The following PPP2R2B variants were observed in gnomAD, a reference collection of about 807,000 sequenced individuals.
PPP2R2B encodes the protein serine/threonine-protein phosphatase 2A 55 kDa regulatory subunit B beta isoform.
In PPP2R2B, 5 loss-of-function variants were observed where a neutral mutation model predicts 46.0. That is an observed-to-expected ratio of 0.11 (90% CI 0.06 to 0.23). The LOEUF is 0.23. Ranked by LOEUF, PPP2R2B falls within the 10% of genes least tolerant of loss-of-function variation. The pLI is 1.00. For missense variants in PPP2R2B, 367 were observed against 575.0 expected, an observed-to-expected ratio of 0.64 and a Z score of 3.70; for synonymous variants, 215 against 206.7, an observed-to-expected ratio of 1.04 and a Z score of -0.34.
chr5:146,997,500 A>T (rs1339203991), intron 1 of PPP2R2B, among the ~76,000 whole-genome samples: 2 of 152,112 alleles, frequency 1.3e-5, no homozygotes, highest in African/African-American at 2.4e-5. Flanking sequence ...TGACAATTTC[A>T]AGTACCCAAC....
At chr5:147,054,166 G>T (rs1265210208) in intron 1 of PPP2R2B, among the ~76,000 whole-genome samples, 2 of 152,144 alleles carry the variant, frequency 1.3e-5, no homozygotes, top group African/African-American at 4.8e-5. Context: ...ATATGATATA[G>T]AATGTTTCGT....
In PPP2R2B at chr5:146,878,331, C is replaced by T; in HGVS notation, c.-124-136G>A. 1 of 1,437,016 alleles carries T rather than the reference C, an allele frequency of 7.0e-7. No homozygotes were observed. Among genetic ancestry groups the T allele is most frequent in the African/African-American group, 1.4e-5 (1 of 69,784 alleles). The allele number at this position is 1,437,016 out of a possible 1,614,324, so 89.0% of individuals were successfully genotyped here. ...CGCTCACTCCAGCTCCAGTTCCCAGCGAGGATGCTGCGCCTGCCTCCGCTG... is the reference window on the plus strand; with the variant it reads ...CGCTCACTCCAGCTCCAGTTCCCAGTGAGGATGCTGCGCCTGCCTCCGCTG... On this transcript the variant is annotated intron_variant, in intron 1 of 9. Coordinates refer to ENST00000394411, the MANE Select transcript of PPP2R2B (RefSeq NM_181675.4). This position sits in a 1 kb window ranked among gnomAD's most constrained non-coding sequence, Gnocchi z 4.5.
chr5:146,654,905 C>A (rs890348638), intron 5 of PPP2R2B, among the ~76,000 whole-genome samples: 5 of 152,166 alleles, frequency 3.3e-5, no homozygotes, highest in African/African-American at 9.7e-5. Flanking sequence ...CAGAGCCAGA[C>A]AAAATTCAGA....
chr5:146,936,010 T>C (rs1203406528), intron 1 of PPP2R2B, among the ~76,000 whole-genome samples: 2 of 152,184 alleles, frequency 1.3e-5, no homozygotes, highest in African/African-American at 4.8e-5. Context: ...TATTTGTACC[T>C]GGCAGATTGG....
chr5:146,726,617 T>G (rs1751884198), intron 2 of PPP2R2B, among the ~76,000 whole-genome samples: 1 of 152,200 alleles, frequency 6.6e-6, no homozygotes, highest in South Asian at 2.1e-4. Context: ...CTAGGTAACT[T>G]GCCTAACATC....
At chr5:146,653,846 G>T (rs1036463816) in intron 5 of PPP2R2B, among the ~76,000 whole-genome samples, 1 of 152,076 alleles carries the variant, frequency 6.6e-6, no homozygotes, top group South Asian at 2.1e-4. Context: ...AGATAAGACA[G>T]GGGGGATGGA....
At chr5:146,685,089 A>G (rs1429693259) in intron 5 of PPP2R2B, among the ~76,000 whole-genome samples, 1 of 152,220 alleles carries the variant, frequency 6.6e-6, no homozygotes, top group Non-Finnish European at 1.5e-5. Flanking sequence ...TACAGTGTGT[A>G]GCATAGTAGA....
chr5:146,779,879 A>G (rs1302670108), intron 2 of PPP2R2B, among the ~76,000 whole-genome samples: 1 of 152,146 alleles, frequency 6.6e-6, no homozygotes, highest in Non-Finnish European at 1.5e-5. Flanking sequence ...AATAATACAC[A>G]TATGATGAAG....
chr5:146,650,747 C>T (rs371617314), intron 5 of PPP2R2B, 23 bp from the exon 6 acceptor site: 2 of 1,600,420 alleles, frequency 1.2e-6, no homozygotes, highest in East Asian at 2.2e-5. Flanking sequence ...AGAAACAAAT[C>T]ACTTCAGAAC....
At chr5:146,811,302 G>A (rs1264272182) in intron 2 of PPP2R2B, among the ~76,000 whole-genome samples, 1 of 152,066 alleles carries the variant, frequency 6.6e-6, no homozygotes, top group African/African-American at 2.4e-5. Flanking sequence ...CCAGCCATAT[G>A]GCTCCTATCT....
At chr5:146,951,216 A>T (rs1764643117) in intron 1 of PPP2R2B, among the ~76,000 whole-genome samples, 1 of 152,078 alleles carries the variant, frequency 6.6e-6, no homozygotes, top group East Asian at 1.9e-4. Context: ...GAGGTATAAT[A>T]TACAATAGAA....
intron 9 of PPP2R2B, among the ~76,000 whole-genome samples, 178 bp from the exon 10 acceptor site, chr5:146,590,404 T>G (rs1384201455): frequency 6.8e-6 from 1 of 148,118 alleles, no homozygotes; most frequent in African/African-American, 2.6e-5. Flanking sequence ...TTGTGTTTTT[T>G]TTTTTTTTTT....
Position 146,922,334 on chromosome 5 carries a change from A to T in PPP2R2B, c.79+133331T>A, listed in dbSNP as rs1390132774. ...TGAAAGCTCACCTTACCTTTTTTAT[A>T]TCAGAAAATAAACACCTCTCCAGGA... On this transcript the variant is annotated intron_variant, in intron 1 of 8. Transcript: ENST00000336640. 3 of 152,152 alleles carry T rather than the reference A, an allele frequency of 2.0e-5. No individual in the cohort carries two copies. In the East Asian group the frequency reaches 5.8e-4, roughly 29 times the overall value. 9.4% of individuals were successfully genotyped at this position (152,152 alleles called of 1,614,324 possible).
At chr5:146,794,566 G>A (rs754110551) in intron 2 of PPP2R2B, among the ~76,000 whole-genome samples, 1 of 152,180 alleles carries the variant, frequency 6.6e-6, no homozygotes, top group African/African-American at 2.4e-5. Context: ...TGACTAAATA[G>A]ACAAGTACAG....
intron 7 of PPP2R2B, among the ~76,000 whole-genome samples, chr5:146,627,700 G>A (rs1199690208): frequency 6.6e-6 from 1 of 152,164 alleles, no homozygotes; most frequent in Non-Finnish European, 1.5e-5. Flanking sequence ...TCTGGGGCAA[G>A]TTTCCTCACC....
At chr5:146,873,930 T>C (rs935133053) in intron 2 of PPP2R2B, among the ~76,000 whole-genome samples, 13 of 152,248 alleles carry the variant, frequency 8.5e-5, no homozygotes, top group Non-Finnish European at 1.3e-4. Flanking sequence ...CTAGCCATAG[T>C]CATCTTTCCA....
At chr5:146,805,660 CA>C (rs1488759605) in intron 2 of PPP2R2B, among the ~76,000 whole-genome samples, 1 of 152,098 alleles carries the variant, frequency 6.6e-6, no homozygotes, top group Non-Finnish European at 1.5e-5. Context: ...GCCTGTAGTA[CA>C]AATTGCACCC....
intron 1 of PPP2R2B, among the ~76,000 whole-genome samples, chr5:147,042,973 G>A (rs532354787): frequency 1.2e-3 from 178 of 152,248 alleles, no homozygotes; most frequent in Middle Eastern, 6.8e-3. Context: ...GGAGTGAGGT[G>A]AGTGAAGAGG....
At chr5:146,779,202 A>T (rs1755361428) in intron 2 of PPP2R2B, among the ~76,000 whole-genome samples, 2 of 152,194 alleles carry the variant, frequency 1.3e-5, no homozygotes, top group African/African-American at 4.8e-5. Context: ...GTGTAAATAC[A>T]GTGACACTTG....
Sources: allele counts gnomAD v4.1 joint callset (sites outside exome capture counted in the v4.1 genomes callset), GRCh38; gene constraint gnomAD v4.1.1; non-coding constraint Gnocchi (gnomAD v3.1); transcripts MANE v1.5; gene names NCBI Gene and HGNC (gene_info 2026-07-23, HGNC 2026-07-21).